XIRP2: variants seen among roughly 807,000 people sequenced by gnomAD.
The protein encoded by XIRP2 is xin actin-binding repeat-containing protein 2.
In XIRP2, 236 loss-of-function variants were observed where a neutral mutation model predicts 277.0. The observed-to-expected ratio is 0.85, with a 90% CI of 0.77 to 0.95. XIRP2 has a LOEUF of 0.95. Ranked by LOEUF, XIRP2 falls within the 40% of genes least tolerant of loss-of-function variation. The pLI is 0.00. For synonymous variants in XIRP2, 1,490 were observed against 1,416.5 expected (o/e 1.05, Z -1.17); for missense variants, 4,640 against 4,157.5 (o/e 1.12, Z -3.19).
intron 2 of XIRP2, among the ~76,000 whole-genome samples, chr2:166,988,067 T>G (rs1246403482): frequency 6.6e-6 from 1 of 152,284 alleles, no homozygotes; most frequent in Non-Finnish European, 1.5e-5. Context: ...AATAGGACAT[T>G]TGCATAATCT....
intron 3 of XIRP2, among the ~76,000 whole-genome samples, chr2:167,207,197 A>G (rs1023867468): frequency 6.6e-6 from 1 of 152,208 alleles, no homozygotes; most frequent in African/African-American, 2.4e-5. Flanking sequence ...ATTTTTATAA[A>G]TCACTGAATT....
chr2:167,226,302 T>C (rs1438199495), intron 5 of XIRP2, among the ~76,000 whole-genome samples: 1 of 152,174 alleles, frequency 6.6e-6, no homozygotes, highest in East Asian at 1.9e-4. Flanking sequence ...GCTGCTTCCT[T>C]GCCATTTTGC....
chr2:167,059,104 T>C (rs1458447784), intron 2 of XIRP2, among the ~76,000 whole-genome samples: 1 of 84,832 alleles, frequency 1.2e-5, no homozygotes, highest in African/African-American at 4.7e-5. Context: ...TTTTTCTCTT[T>C]TTTTTTTTTT....
intron 2 of XIRP2, among the ~76,000 whole-genome samples, chr2:167,034,373 G>T (rs1479765915): frequency 3.3e-5 from 5 of 151,874 alleles, no homozygotes; most frequent in Non-Finnish European, 5.9e-5. Context: ...AGACAGGAAA[G>T]AAGGGAACTA....
chr2:167,213,945 G>A lies in XIRP2; in HGVS notation c.723+3050G>A, dbSNP rs138241196. ...TTAGTACTACTATTAAAAATAATCC[G>A]CGGTGGCTCACCCCTGTAATCCTAG... is the stretch of plus-strand genomic sequence containing the variant. On this transcript the variant is annotated intron_variant, in intron 4 of 10. Transcript: ENST00000409195. Among the ~76,000 whole-genome samples, 284 of 151,948 alleles carry A rather than the reference G, an allele frequency of 1.9e-3. 5 individuals are homozygous for A. Among genetic ancestry groups the A allele is most frequent in the Admixed American group, 0.016 (239 of 15,230 alleles).
chr2:166,925,602 T>TAC (rs952899106), intron 2 of XIRP2, among the ~76,000 whole-genome samples: 2 of 91,982 alleles, frequency 2.2e-5, no homozygotes, highest in African/African-American at 1.6e-4. Context: ...TATACATATA[T>TAC]ATATATATAT....
At chr2:166,985,174 G>A (rs1686969304) in intron 2 of XIRP2, among the ~76,000 whole-genome samples, 1 of 151,950 alleles carries the variant, frequency 6.6e-6, no homozygotes, top group Admixed American at 6.6e-5. Context: ...TTTCCCCTTT[G>A]TCATCATTAA....
At chr2:166,912,794 T>C (rs1289242233) in intron 2 of XIRP2, among the ~76,000 whole-genome samples, 1 of 152,230 alleles carries the variant, frequency 6.6e-6, no homozygotes, top group Admixed American at 6.5e-5. Flanking sequence ...GGTGTGGATG[T>C]CCTTTCTGTT....
intron 2 of XIRP2, among the ~76,000 whole-genome samples, chr2:166,929,342 C>G (rs1685268464): frequency 6.6e-6 from 1 of 152,100 alleles, no homozygotes; most frequent in African/African-American, 2.4e-5. Context: ...TATGTACCTA[C>G]TGTCCTAAAA....
In XIRP2 at chr2:167,258,877, A is replaced by C; in HGVS notation, c.*1060A>C. 6.2e-7 allele frequency: 1 copy of C among 1,613,266 alleles called. No individual in the cohort carries two copies. Among genetic ancestry groups the C allele is most frequent in the South Asian group, 1.1e-5 (1 of 91,066 alleles). On this transcript the variant is annotated 3_prime_UTR_variant, in exon 11 of 11. Coordinates refer to ENST00000409195, the MANE Select transcript of XIRP2 (RefSeq NM_152381.6). ...AGACTTATTCGAGGAATGTACTAGC[A>C]ATGGCTCTGAAGAAACAGACTGACA...
chr2:167,140,579 ACCCAGGACTC>A (rs1691686138), intron 3 of XIRP2, among the ~76,000 whole-genome samples: 1 of 152,072 alleles, frequency 6.6e-6, no homozygotes, highest in Admixed American at 6.6e-5. Context: ...ACGATGGTGG[ACCCAGGACTC>A]CCAGCACCGG....
intron 2 of XIRP2, among the ~76,000 whole-genome samples, chr2:167,087,512 T>C (rs1307235932): frequency 6.6e-6 from 1 of 152,230 alleles, no homozygotes; most frequent in Non-Finnish European, 1.5e-5. Flanking sequence ...TAAGCAAGCC[T>C]GGGCAATGGC....
intron 3 of XIRP2, among the ~76,000 whole-genome samples, chr2:167,173,763 T>A (rs1301428843): frequency 1.3e-5 from 2 of 152,180 alleles, no homozygotes; most frequent in Non-Finnish European, 2.9e-5. Context: ...GTACTAGGGT[T>A]CTCTTTTCTC....
intron 2 of XIRP2, among the ~76,000 whole-genome samples, chr2:166,940,167 ACTTCT>A (rs773079703): frequency 1.3e-4 from 19 of 151,816 alleles, no homozygotes; most frequent in Non-Finnish European, 1.3e-4. Flanking sequence ...TTTTCTCTAA[ACTTCT>A]CTTCTCAGTT....
At chr2:167,003,635 A>G (rs926150571) in intron 2 of XIRP2, among the ~76,000 whole-genome samples, 11 of 151,830 alleles carry the variant, frequency 7.2e-5, no homozygotes, top group Non-Finnish European at 1.3e-4. Context: ...GAGTAATTGG[A>G]GAATTTGCTC....
chr2:167,191,471 G>A lies in XIRP2; in HGVS notation c.563-19264G>A, dbSNP rs183238011. 9.7e-5 allele frequency among the ~76,000 whole-genome samples: 14 copies of A among 144,702 alleles called. No homozygotes were observed. In the East Asian group the frequency reaches 2.8e-3, roughly 29 times the overall value. 94.9% of individuals were successfully genotyped at this position (144,702 alleles called of 152,430 possible). A position where few individuals can be genotyped will look rare whatever the true frequency, so the allele number is the denominator to read the frequency against. ...AACCCCAGCCCACCCCCATGACTCC[G>A]GATACATTTCCAAGTATATCTTGAA... On this transcript the variant is annotated intron_variant, in intron 3 of 10. Coordinates refer to ENST00000409195, the MANE Select transcript of XIRP2 (RefSeq NM_152381.6).
intron 10 of XIRP2, among the ~76,000 whole-genome samples, chr2:167,255,314 C>T (rs1056264951): frequency 6.6e-6 from 1 of 151,758 alleles, no homozygotes; most frequent in Non-Finnish European, 1.5e-5. Context: ...CTCATAAGTA[C>T]AGCAAACTCA....
intron 2 of XIRP2, among the ~76,000 whole-genome samples, chr2:167,106,986 T>A (rs1321814835): frequency 6.6e-6 from 1 of 151,220 alleles, no homozygotes; most frequent in Non-Finnish European, 1.5e-5. Flanking sequence ...TATAAAGAAA[T>A]ACAATAATTT....
At chr2:166,908,809 G>C (rs1051352982) in intron 2 of XIRP2, among the ~76,000 whole-genome samples, 1 of 152,160 alleles carries the variant, frequency 6.6e-6, no homozygotes, top group African/African-American at 2.4e-5. Flanking sequence ...TGTAGGGAAG[G>C]GATCCAGTTT....
Sources: allele counts gnomAD v4.1 joint callset (sites outside exome capture counted in the v4.1 genomes callset), GRCh38; gene constraint gnomAD v4.1.1; transcripts MANE v1.5; gene names NCBI Gene and HGNC (gene_info 2026-07-23, HGNC 2026-07-21).